The following CCSER1 variants were observed in gnomAD, a reference collection of about 807,000 sequenced individuals.
The protein encoded by CCSER1 is serine-rich coiled-coil domain-containing protein 1.
Under a neutral mutation model 82.0 loss-of-function variants are expected in CCSER1, and 41 were observed. The ratio of observed to expected loss-of-function variants is 0.50; its 90% CI spans 0.39 to 0.65. The LOEUF (loss-of-function observed/expected upper bound fraction) is 0.65, where lower values mean the gene tolerates loss of function less well. Among genes scored for constraint, CCSER1 ranks in the 30% least tolerant of loss-of-function variants. CCSER1 has a pLI of 0.00. For missense variants in CCSER1, 1,119 were observed against 1,064.2 expected (o/e 1.05, Z -0.72); for synonymous variants, 414 against 383.9 (o/e 1.08, Z -0.92).
chr4:91,033,018 T>C (rs1233106281), intron 9 of CCSER1, among the ~76,000 whole-genome samples: 1 of 151,806 alleles, frequency 6.6e-6, no homozygotes, highest in Admixed American at 6.6e-5. Context: ...TTTGAAACAC[T>C]CTGTGAGAGA....
chr4:90,848,409 G>C (rs1763459456), intron 8 of CCSER1, among the ~76,000 whole-genome samples: 1 of 152,198 alleles, frequency 6.6e-6, no homozygotes, highest in African/African-American at 2.4e-5. Flanking sequence ...TAAAAGGGTA[G>C]TATAAATATC....
rs1309626592 is a variant in CCSER1, at chr4:90,609,490, AC to A, written c.1725-18534del. On this transcript the variant is annotated intron_variant, in intron 5 of 10. Transcript: ENST00000509176. Reference sequence around the variant, plus strand: ...ATAGTTTTCCTTTTGATAGAACAAAACTTATTCTGAAAGAATAAATAAAATG... The same window carrying A: ...ATAGTTTTCCTTTTGATAGAACAAAATTATTCTGAAAGAATAAATAAAATG... Among the ~76,000 whole-genome samples the A allele has an allele frequency of 5.3e-5, 7 of 133,310 alleles. No homozygotes were observed. The South Asian group carries it at 1.4e-3, about 27-fold the overall frequency. The allele number at this position is 133,310 out of a possible 152,430, so 87.5% of individuals were successfully genotyped here.
chr4:91,181,414 T>A (rs543352196), intron 10 of CCSER1, among the ~76,000 whole-genome samples: 1 of 152,332 alleles, frequency 6.6e-6, no homozygotes, highest in African/African-American at 2.4e-5. Flanking sequence ...AGCACTCCAG[T>A]TCCTGGCATT....
At chr4:91,308,188 G>A (rs1745210585) in intron 10 of CCSER1, among the ~76,000 whole-genome samples, 1 of 151,918 alleles carries the variant, frequency 6.6e-6, no homozygotes, top group Non-Finnish European at 1.5e-5. Flanking sequence ...CACTGTTCAT[G>A]TCCTGTATGG....
At chr4:91,248,864 A>G (rs1740030221) in intron 10 of CCSER1, among the ~76,000 whole-genome samples, 1 of 152,190 alleles carries the variant, frequency 6.6e-6, no homozygotes, top group Admixed American at 6.5e-5. Context: ...GGGATTCTAT[A>G]CTACCTTTAC....
At chr4:90,296,011 A>C (rs79999217) in intron 1 of CCSER1, among the ~76,000 whole-genome samples, 4,801 of 152,154 alleles carry the variant, frequency 0.032, 199 homozygotes, top group African/African-American at 0.096. Flanking sequence ...TTATAAAAAA[A>C]AACAACTGCT....
At chr4:90,908,270 AT>A (rs149956451) in intron 8 of CCSER1, among the ~76,000 whole-genome samples, 2,359 of 152,296 alleles carry the variant, frequency 0.015, 56 homozygotes, top group African/African-American at 0.053. Flanking sequence ...TATGCAGAAG[AT>A]TCCAGATGAA....
chr4:90,354,459 CTAAGAAAGTA>C (rs1285524964), intron 3 of CCSER1, among the ~76,000 whole-genome samples: 2 of 151,956 alleles, frequency 1.3e-5, no homozygotes, highest in East Asian at 3.9e-4. Flanking sequence ...TTTAAATTTC[CTAAGAAAGTA>C]TGTCTTAAGT....
At chr4:91,071,105 A>G (rs1050702330) in intron 9 of CCSER1, among the ~76,000 whole-genome samples, 1 of 152,242 alleles carries the variant, frequency 6.6e-6, no homozygotes, top group Non-Finnish European at 1.5e-5. Flanking sequence ...ATGGATGCTT[A>G]GAAAAGTAAA....
chr4:90,267,324 G>C (rs1425862751), intron 1 of CCSER1, among the ~76,000 whole-genome samples: 2 of 152,094 alleles, frequency 1.3e-5, no homozygotes, highest in Non-Finnish European at 2.9e-5. Flanking sequence ...CTCAGCCACA[G>C]TAGAACAGAG....
chr4:90,614,499 T>C (rs1183843538), intron 5 of CCSER1, among the ~76,000 whole-genome samples: 1 of 152,178 alleles, frequency 6.6e-6, no homozygotes, highest in Non-Finnish European at 1.5e-5. Flanking sequence ...ATATTAAAAG[T>C]GCTACTTCAG....
chr4:91,006,576 G>A (rs1379844456), intron 9 of CCSER1, among the ~76,000 whole-genome samples: 1 of 149,950 alleles, frequency 6.7e-6, no homozygotes, highest in Non-Finnish European at 1.5e-5. Flanking sequence ...TGCAAGCTCT[G>A]CCTCCCAGGT....
intron 9 of CCSER1, among the ~76,000 whole-genome samples, chr4:90,924,334 T>A (rs908260443): frequency 5.9e-5 from 9 of 152,148 alleles, no homozygotes; most frequent in Non-Finnish European, 8.8e-5. Flanking sequence ...TGGATGCTAC[T>A]TTTGTGTTGC....
At chr4:90,437,276 C>T (rs560006324) in intron 4 of CCSER1, among the ~76,000 whole-genome samples, 24 of 148,010 alleles carry the variant, frequency 1.6e-4, no homozygotes, top group East Asian at 6.9e-4. Flanking sequence ...CACATGCGCG[C>T]GCACACACAC....
chr4:91,164,835 T>C (rs771866793), intron 10 of CCSER1, among the ~76,000 whole-genome samples: 1 of 152,166 alleles, frequency 6.6e-6, no homozygotes, highest in African/African-American at 2.4e-5. Flanking sequence ...ATTCGTCTAA[T>C]TATTTTCAAT....
intron 10 of CCSER1, among the ~76,000 whole-genome samples, chr4:91,399,784 C>T (rs1428205385): frequency 6.6e-6 from 1 of 151,918 alleles, no homozygotes; most frequent in Non-Finnish European, 1.5e-5. Context: ...TACCCACTTC[C>T]CTGGGAGTCC....
At chr4:91,383,447 T>C (rs1751067845) in intron 10 of CCSER1, among the ~76,000 whole-genome samples, 1 of 152,052 alleles carries the variant, frequency 6.6e-6, no homozygotes, top group Non-Finnish European at 1.5e-5. Context: ...AGGGAAACAG[T>C]ACTCCTTTAA....
intron 10 of CCSER1, among the ~76,000 whole-genome samples, chr4:91,154,797 G>A (rs1313134565): frequency 1.3e-5 from 2 of 151,918 alleles, no homozygotes; most frequent in African/African-American, 4.8e-5. Context: ...ATTGATGCCT[G>A]ATTTTATGTT....
intron 10 of CCSER1, among the ~76,000 whole-genome samples, chr4:91,509,340 A>G (rs1339130649): frequency 7.9e-5 from 12 of 151,962 alleles, no homozygotes; most frequent in Non-Finnish European, 1.5e-4. Context: ...TCTTCCACCA[A>G]TTGGTTATTT....
Sources: allele counts gnomAD v4.1 joint callset (sites outside exome capture counted in the v4.1 genomes callset), GRCh38; gene constraint gnomAD v4.1.1; transcripts MANE v1.5; gene names NCBI Gene and HGNC (gene_info 2026-07-23, HGNC 2026-07-21).